SLC1A5: variants seen among roughly 807,000 people sequenced by gnomAD.
The protein encoded by SLC1A5 is solute carrier family 1 member 5.
In SLC1A5, 25 loss-of-function variants were observed where a neutral mutation model predicts 34.9. The observed-to-expected ratio is 0.72, with a 90% CI of 0.52 to 1.00. SLC1A5 has a LOEUF of 1.00. SLC1A5 is among the 50% of genes least tolerant of loss of function. The pLI, the probability that SLC1A5 is intolerant of heterozygous loss-of-function variation, is 0.00. For synonymous variants in SLC1A5, 351 were observed against 341.2 expected, an observed-to-expected ratio of 1.03 and a Z score of -0.32; for missense variants, 637 against 740.0, an observed-to-expected ratio of 0.86 and a Z score of 1.61.
chr19:46,783,060 G>A (rs995904109), intron 3 of SLC1A5, among the ~76,000 whole-genome samples: 2 of 152,174 alleles, frequency 1.3e-5, no homozygotes, highest in Non-Finnish European at 2.9e-5. Context: ...GACCTCACAG[G>A]GAGCCCTTGG....
rs973244826 is a variant in SLC1A5 at position 46,784,982 on chromosome 19, G to A, written c.567-423C>T. 113 of 785,110 alleles carry A rather than the reference G, an allele frequency of 1.4e-4. 1 individual carries two copies. In the African/African-American group the frequency reaches 1.7e-3, roughly 12 times the overall value. 48.6% of individuals were successfully genotyped at this position (785,110 alleles called of 1,614,324 possible). A position where few individuals can be genotyped will look rare whatever the true frequency, so the allele number is the denominator to read the frequency against. On this transcript the variant is annotated intron_variant, in intron 1 of 7. Transcript: ENST00000542575. ...GGAGGATCTGGGTGTGTTGGGAGGC[G>A]GTGGCGGGGAGGGAGAAAAGGGACG...
chr19:46,784,120 T>C lies in SLC1A5; in HGVS notation c.634A>G (p.Asn212Asp). ...ACCTTCACCCTGGTTCCGGTGATAT[T>C]CCTCTCTTCATAGGTGGTAGAGTAC... ...RSYSTTYEER[N>D]ITGTRVKVPV... The change falls in exon 3 of 8, where the codon AAT becomes GAT. Residue 212 changes from asparagine to aspartate, a missense_variant. Asn to Asp is a conservative substitution (Grantham distance 23). Transcript: ENST00000542575. The C allele has an allele frequency of 6.2e-7, 1 of 1,613,576 alleles. No homozygotes were observed. The highest frequency in any genetic ancestry group is 1.1e-5 in the South Asian group (1 of 91,020).
Position 46,783,319 on chromosome 19 carries a change from C to T in SLC1A5, c.658-770G>A, listed in dbSNP as rs548759717. Among the ~76,000 whole-genome samples, 9 of 151,898 alleles carry T rather than the reference C, an allele frequency of 5.9e-5. No individual in the cohort carries two copies. In the East Asian group the frequency reaches 7.7e-4, roughly 13 times the overall value. ...TCTCTACTAAAAATACAAAATTAGCCGGGCATGGTGGCACATGCCTGTAAT... is the reference window on the plus strand; with the variant it reads ...TCTCTACTAAAAATACAAAATTAGCTGGGCATGGTGGCACATGCCTGTAAT... On this transcript the variant is annotated intron_variant, in intron 3 of 7. Coordinates refer to ENST00000542575, the MANE Select transcript of SLC1A5 (RefSeq NM_005628.3).
intron 4 of SLC1A5, among the ~76,000 whole-genome samples, chr19:46,781,554 C>T (rs761222037): frequency 2.0e-4 from 30 of 152,132 alleles, no homozygotes; most frequent in Non-Finnish European, 3.4e-4. Flanking sequence ...GCTGAGATCA[C>T]GTCATTGCAC....
At position 46,775,123 on chromosome 19, in the gene SLC1A5, G is replaced by A. The variant is rs139875462; in HGVS notation, c.*387C>T. On this transcript the variant is annotated 3_prime_UTR_variant, in exon 8 of 8. Coordinates refer to ENST00000542575, the MANE Select transcript of SLC1A5 (RefSeq NM_005628.3). Reference sequence around the variant, plus strand: ...CACACATCCCCCCACAACTACAGCCGCCAAAATAACCAGCATGGTGTTGTA... The same window carrying A: ...CACACATCCCCCCACAACTACAGCCACCAAAATAACCAGCATGGTGTTGTA... 17 of 1,024,584 alleles carry A rather than the reference G, an allele frequency of 1.7e-5. No homozygotes were observed. The highest frequency in any genetic ancestry group is 1.2e-4 in the African/African-American group (7 of 57,910). 63.5% of individuals were successfully genotyped at this position (1,024,584 alleles called of 1,614,324 possible).
chr19:46,775,313 G>A lies in SLC1A5; in HGVS notation c.*197C>T. The A allele has an allele frequency of 7.3e-7, 1 of 1,367,058 alleles. No homozygotes were observed. The highest frequency in any genetic ancestry group is 9.4e-7 in the Non-Finnish European group (1 of 1,059,872). 84.7% of individuals were successfully genotyped at this position (1,367,058 alleles called of 1,614,324 possible). ...GACATGAGTGAGAACTGGGGGTTTTGAGGAGTAACCCTTGTGAACACATGT... is the reference window on the plus strand; with the variant it reads ...GACATGAGTGAGAACTGGGGGTTTTAAGGAGTAACCCTTGTGAACACATGT... On this transcript the variant is annotated 3_prime_UTR_variant, in exon 8 of 8. Coordinates refer to ENST00000542575, the MANE Select transcript of SLC1A5 (RefSeq NM_005628.3).
chr19:46,785,941 G>A (rs990204307), intron 1 of SLC1A5, among the ~76,000 whole-genome samples: 2 of 151,926 alleles, frequency 1.3e-5, no homozygotes, highest in Non-Finnish European at 2.9e-5. Flanking sequence ...TTATCCAGGC[G>A]TGGTGGCACA....
intron 7 of SLC1A5, among the ~76,000 whole-genome samples, 197 bp from the exon 8 acceptor site, chr19:46,775,944 G>A (rs1340754678): frequency 6.6e-6 from 1 of 151,748 alleles, no homozygotes; most frequent in Admixed American, 6.6e-5. Context: ...AGCCAGGCAT[G>A]GTAGTGCACA....
At chr19:46,780,016 C>A (rs2055133272) in intron 4 of SLC1A5, among the ~76,000 whole-genome samples, 1 of 152,110 alleles carries the variant, frequency 6.6e-6, no homozygotes, top group Non-Finnish European at 1.5e-5. Context: ...CCACGCCCAG[C>A]TAATTTTTTG....
chr19:46,777,439 C>T (rs777398237), intron 5 of SLC1A5, 34 bp from the exon 6 acceptor site: 1 of 1,564,886 alleles, frequency 6.4e-7, no homozygotes, highest in Non-Finnish European at 8.7e-7. Flanking sequence ...TTAGGTTAAC[C>T]TGCTGACCGG....
At position 46,782,517 on chromosome 19, in the gene SLC1A5, G is replaced by A. The variant is rs775394315; in HGVS notation, c.690C>T (p.Asn230=). 1.2e-6 allele frequency: 2 copies of A among 1,613,932 alleles called. No individual in the cohort carries two copies. Among genetic ancestry groups the A allele is most frequent in the East Asian group, 2.2e-5 (1 of 44,890 alleles). ...VPVGQEVEGM[N]ILGLVVFAIV... is the part of the protein sequence containing the mutation. ...TGGCAAACACTACCAAGCCCAGGAT[G>A]TTCATCCCCTCCACCTCCTGCCCCA... is the stretch of plus-strand genomic sequence containing the variant. Residue 230 remains asparagine (N), a synonymous_variant, in exon 4 of 8, where the codon AAC becomes AAT. Transcript: ENST00000542575.
At chr19:46,781,744 G>A (rs1434853623) in intron 4 of SLC1A5, among the ~76,000 whole-genome samples, 1 of 152,140 alleles carries the variant, frequency 6.6e-6, no homozygotes, top group Admixed American at 6.6e-5. Context: ...CCAGCCACTT[G>A]TGCAGAGAAG....
Position 46,787,741 on chromosome 19 carries a change from G to C in SLC1A5, c.225C>G (p.Ala75=), listed in dbSNP as rs1039776824. The stretch of plus-strand genomic sequence containing the variant: ...CCGGGCCCAACGCCAGCGCACCCCC[G>C]GCCCCCGACACCCCCAGTCCCAGCG... ...GVALGLGVSG[A]GGALALGPER... is the part of the protein sequence containing the mutation. Residue 75 remains alanine, a synonymous_variant, in exon 1 of 8, where the codon GCC becomes GCG. Transcript: ENST00000542575. This position sits in a 1 kb window ranked among gnomAD's most constrained non-coding sequence, Gnocchi z 5.2. The C allele has an allele frequency of 6.4e-7, 1 of 1,555,286 alleles. No individual in the cohort carries two copies. The highest frequency in any genetic ancestry group is 1.4e-5 in the African/African-American group (1 of 73,732).
intron 4 of SLC1A5, among the ~76,000 whole-genome samples, chr19:46,781,461 G>A (rs2055145564): frequency 6.6e-6 from 1 of 152,180 alleles, no homozygotes; most frequent in Admixed American, 6.5e-5. Flanking sequence ...AGCCGGGCAT[G>A]GTGGCGCATG....
At position 46,777,050 on chromosome 19, in the gene SLC1A5, G is replaced by A. The variant is rs764028701; in HGVS notation, c.1313C>T (p.Thr438Ile). 1.2e-6 allele frequency: 2 copies of A among 1,614,100 alleles called. No individual in the cohort carries two copies. Among genetic ancestry groups the A allele is most frequent in the Non-Finnish European group, 1.7e-6 (2 of 1,180,024 alleles). The change falls in exon 7 of 8, where the codon ACT (threonine) becomes ATT (isoleucine). Residue 438 changes from threonine (T) to isoleucine (I), a missense_variant. Coordinates refer to ENST00000542575, the MANE Select transcript of SLC1A5 (RefSeq NM_005628.3). ...GACTGCTTCGAGGATGATGGCCAGA[G>A]TGAGGACACCTCCAGCAGGGATGCC... is the stretch of plus-strand genomic sequence containing the variant. ...AAGIPAGGVL[T>I]LAIILEAVNL...
chr19:46,782,342 T>TACAACCCCCCCCCCCCCCCCCCCCC, intron 4 of SLC1A5, 41 bp downstream of exon 4: 1 of 523,372 alleles, frequency 1.9e-6, no homozygotes, highest in Non-Finnish European at 3.5e-6. Flanking sequence ...AGACCGACCC[T>TACAACCCCCCCCCCCCCCCCCCCCC]CCAACCCCAC....
rs3027955 is a variant in SLC1A5, at chr19:46,788,235, G to A, written c.-270C>T. 0.2 allele frequency: 89,022 copies of A among 450,698 alleles called. 10,452 individuals carry two copies. Among genetic ancestry groups the A allele is most frequent in the East Asian group, 0.43 (11,224 of 26,396 alleles). 27.9% of individuals were successfully genotyped at this position (450,698 alleles called of 1,614,324 possible). ...AAAGCTGGGAGTTCGGAGCGCCCGG[G>A]TTCCTTGGCCCTAGGAGCTGGGAAT... On this transcript the variant is annotated 5_prime_UTR_variant, in exon 1 of 8. Transcript: ENST00000542575.
intron 4 of SLC1A5, 37 bp downstream of exon 4, chr19:46,782,346 A>AACCCCCCCAC: frequency 1.4e-5 from 8 of 567,968 alleles, no homozygotes; most frequent in South Asian, 5.3e-5. Flanking sequence ...CGACCCTCCA[A>AACCCCCCCAC]CCCCACCCAC....
At chr19:46,777,476 C>A in intron 5 of SLC1A5, 71 bp from the exon 6 acceptor site, 1 of 1,430,966 alleles carries the variant, frequency 7.0e-7, no homozygotes, top group Non-Finnish European at 9.4e-7. Flanking sequence ...CAGGTCCAGC[C>A]CAGGTGAGGC....
Sources: allele counts gnomAD v4.1 joint callset (sites outside exome capture counted in the v4.1 genomes callset), GRCh38; gene constraint gnomAD v4.1.1; non-coding constraint Gnocchi (gnomAD v3.1); transcripts MANE v1.5; gene names NCBI Gene and HGNC (gene_info 2026-07-23, HGNC 2026-07-21).